Variants in EBF1 observed in about 807,000 individuals in gnomAD.
EBF1 encodes EBF transcription factor 1, also known as transcription factor COE1.
A neutral mutation model predicts 68.4 loss-of-function variants in EBF1; 10 were observed. That is an observed-to-expected ratio of 0.15 (90% confidence interval 0.09 to 0.25). EBF1 has a LOEUF of 0.25. EBF1 is among the 10% of genes least tolerant of loss of function. The pLI, the probability that EBF1 is intolerant of heterozygous loss-of-function variation, is 1.00. For synonymous variants in EBF1, 298 were observed against 299.8 expected (o/e 0.99, Z 0.06); for missense variants, 509 against 794.4 (o/e 0.64, Z 4.32).
intron 6 of EBF1, among the ~76,000 whole-genome samples, chr5:159,047,816 T>C (rs994737165): frequency 6.6e-6 from 1 of 152,176 alleles, no homozygotes; most frequent in East Asian, 1.9e-4. Context: ...AAACTTTTAG[T>C]AAATTCATAG....
At chr5:158,965,179 A>G (rs1256787871) in intron 6 of EBF1, among the ~76,000 whole-genome samples, 1 of 152,188 alleles carries the variant, frequency 6.6e-6, no homozygotes, top group Non-Finnish European at 1.5e-5. Flanking sequence ...GGTTCTTTTC[A>G]ACCCAGATTC....
chr5:158,867,328 A>G (rs1195564302), intron 6 of EBF1, among the ~76,000 whole-genome samples: 2 of 152,148 alleles, frequency 1.3e-5, no homozygotes, highest in South Asian at 4.1e-4. Flanking sequence ...TGAATAATCT[A>G]TATCTTCTTC....
At chr5:158,973,209 C>G (rs1261089501) in intron 6 of EBF1, among the ~76,000 whole-genome samples, 73 of 152,152 alleles carry the variant, frequency 4.8e-4, no homozygotes, top group Non-Finnish European at 1.5e-4. Context: ...AGATCAGTGC[C>G]TGGATCTTGA....
intron 6 of EBF1, among the ~76,000 whole-genome samples, chr5:158,935,299 CAG>C (rs200735929): frequency 0.014 from 2,092 of 152,284 alleles, 18 homozygotes; most frequent in East Asian, 0.052. Flanking sequence ...AAGGTGAACT[CAG>C]AGAGCACAGT....
intron 15 of EBF1, 49 bp from the exon 16 acceptor site, chr5:158,699,191 T>C: frequency 1.3e-6 from 2 of 1,561,562 alleles, no homozygotes; most frequent in Non-Finnish European, 1.7e-6. Context: ...TTCAAACTTC[T>C]CACTGAGAAA....
At chr5:159,023,939 A>C (rs1767215807) in intron 6 of EBF1, among the ~76,000 whole-genome samples, 1 of 152,168 alleles carries the variant, frequency 6.6e-6, no homozygotes, top group African/African-American at 2.4e-5. Flanking sequence ...TCTCTTTAAC[A>C]ACTCACAGCT....
intron 8 of EBF1, among the ~76,000 whole-genome samples, chr5:158,799,057 A>G (rs905579048): frequency 6.6e-6 from 1 of 152,136 alleles, no homozygotes; most frequent in Non-Finnish European, 1.5e-5. Context: ...CCCACTGACA[A>G]ATTTCAAAAA....
At chr5:159,095,803 G>A (rs1228641687) in intron 3 of EBF1, 128 bp from the exon 4 acceptor site, 3 of 932,824 alleles carry the variant, frequency 3.2e-6, no homozygotes, top group East Asian at 2.6e-5. Context: ...GGGGCTCCAA[G>A]GCTGATTGGA....
rs117661306 is a variant in EBF1 at position 158,708,389 on chromosome 5, A to G, written c.1550-216T>C. On this transcript the variant is annotated intron_variant, in intron 14 of 15. Transcript: ENST00000313708. ...ATTACTGGAGATCTTTTATGTGTTT[A>G]TTGTGGGGCCACTGTGTGCCAGGCA... 2.9e-4 allele frequency among the ~76,000 whole-genome samples: 44 copies of G among 152,224 alleles called. No homozygotes were observed. The East Asian group carries it at 8.5e-3, about 29-fold the overall frequency.
chr5:159,083,155 A>G (rs1056126348), intron 5 of EBF1, among the ~76,000 whole-genome samples: 20 of 152,208 alleles, frequency 1.3e-4, no homozygotes, highest in African/African-American at 4.6e-4. Context: ...CTAGAATCAC[A>G]TGTAGTACAA....
At chr5:158,887,545 T>C (rs1421051960) in intron 6 of EBF1, among the ~76,000 whole-genome samples, 1 of 152,194 alleles carries the variant, frequency 6.6e-6, no homozygotes, top group Non-Finnish European at 1.5e-5. Flanking sequence ...CTAAATTTCA[T>C]ATTTAATAAA....
chr5:158,971,846 G>A (rs1294141128), intron 6 of EBF1, among the ~76,000 whole-genome samples: 1 of 152,084 alleles, frequency 6.6e-6, no homozygotes, highest in Non-Finnish European at 1.5e-5. Context: ...AGGACCTAAA[G>A]TCCATAACAT....
chr5:158,875,056 T>TACGC, intron 6 of EBF1, among the ~76,000 whole-genome samples: 1 of 147,410 alleles, frequency 6.8e-6, no homozygotes, highest in South Asian at 2.2e-4. Flanking sequence ...CACACACACA[T>TACGC]ACACACACAC....
intron 11 of EBF1, among the ~76,000 whole-genome samples, chr5:158,721,423 GA>G (rs200842129): frequency 6.2e-4 from 92 of 149,124 alleles, no homozygotes; most frequent in African/African-American, 1.8e-3. Flanking sequence ...TGCCACAATG[GA>G]AAAAAAAAAT....
chr5:158,711,096 T>C (rs530028799), intron 14 of EBF1, among the ~76,000 whole-genome samples: 59 of 152,352 alleles, frequency 3.9e-4, no homozygotes, highest in Non-Finnish European at 7.1e-4. Flanking sequence ...CGTTTTTTTA[T>C]GTGTATATGG....
chr5:158,751,032 C>T (rs900695262), intron 10 of EBF1, among the ~76,000 whole-genome samples: 1 of 151,754 alleles, frequency 6.6e-6, no homozygotes, highest in African/African-American at 2.4e-5. Flanking sequence ...GCTTATTAGG[C>T]TATGTGAAAA....
intron 7 of EBF1, among the ~76,000 whole-genome samples, chr5:158,838,867 T>C (rs747755284): frequency 3.5e-5 from 5 of 142,874 alleles, no homozygotes; most frequent in Non-Finnish European, 6.1e-5. Flanking sequence ...ACAGGGAAAC[T>C]AACATTGACC....
At chr5:159,016,812 A>G (rs1407929420) in intron 6 of EBF1, among the ~76,000 whole-genome samples, 2 of 152,188 alleles carry the variant, frequency 1.3e-5, no homozygotes, top group Non-Finnish European at 2.9e-5. Flanking sequence ...CAAAAGACAG[A>G]CCTTTCTTGA....
At chr5:159,052,208 CA>C (rs79152124) in intron 6 of EBF1, among the ~76,000 whole-genome samples, 55 of 144,502 alleles carry the variant, frequency 3.8e-4, no homozygotes, top group East Asian at 2.4e-3. Context: ...AGAATTCCAC[CA>C]AAAAAAAAAG....
Sources: gnomAD v4.1 joint callset for allele counts (sites outside exome capture counted in the v4.1 genomes callset) on GRCh38, gnomAD v4.1.1 for gene constraint, MANE v1.5 for transcripts, NCBI Gene and HGNC (gene_info 2026-07-23, HGNC 2026-07-21) for gene names.